Variants in FNBP1L observed in about 807,000 individuals in gnomAD.
FNBP1L encodes formin-binding protein 1-like.
Under a neutral mutation model 91.2 loss-of-function variants are expected in FNBP1L, and 36 were observed. The observed-to-expected ratio is 0.39, with a 90% CI of 0.30 to 0.52. The LOEUF (loss-of-function observed/expected upper bound fraction) is 0.52. FNBP1L is among the 20% of genes least tolerant of loss of function. The pLI, the probability that FNBP1L is intolerant of heterozygous loss-of-function variation, is 0.66. For missense variants in FNBP1L, 571 were observed against 732.1 expected (o/e 0.78, Z 2.54); for synonymous variants, 242 against 237.0 (o/e 1.02, Z -0.19).
At chr1:93,517,021 CTCT>C (rs1448946458) in intron 2 of FNBP1L, among the ~76,000 whole-genome samples, 2 of 151,310 alleles carry the variant, frequency 1.3e-5, no homozygotes, top group African/African-American at 2.4e-5. Context: ...CTTCCTCCTC[CTCT>C]TTTCTTCTTT....
Position 93,541,056 on chromosome 1 carries a change from G to A in FNBP1L, c.1164G>A (p.Met388Ile). ...GAACTATTCAGTGGTCGGTGAAGAT[G>A]GTAAGCCTTATGTGCTGATCTATAT... is the stretch of plus-strand genomic sequence containing the variant. ...RSLKRGWSVK[M>I]GPALEDFSHL... The change falls in exon 11 of 17, where the codon ATG becomes ATA. Residue 388 changes from methionine to isoleucine, a missense_variant and splice_region_variant. By Grantham distance (10) the Met-to-Ile change is conservative. This residue lies in a region of FNBP1L where 150 missense variants were observed against 155.9 expected (regional missense o/e 0.96). Transcript: ENST00000271234. The A allele has an allele frequency of 6.5e-7, 1 of 1,536,264 alleles. No homozygotes were observed. Among genetic ancestry groups the A allele is most frequent in the Non-Finnish European group, 8.7e-7 (1 of 1,146,302 alleles).
chr1:93,534,675 CA>C (rs758377663), intron 8 of FNBP1L, 29 bp from the exon 9 acceptor site: 1 of 1,461,156 alleles, frequency 6.8e-7, no homozygotes, highest in Non-Finnish European at 9.3e-7. Flanking sequence ...GCAAGTGAAA[CA>C]GTTTTAAAAC....
Position 93,544,164 on chromosome 1 carries a change from C to G in FNBP1L, c.1222C>G (p.Gln408Glu). ...ACCAGAACAGAGACGTAAAAAACTA[C>G]AGCAGCGCATTGATGAACTTAACAG... is the stretch of plus-strand genomic sequence containing the variant. ...LPPEQRRKKL[Q>E]QRIDELNREL... Residue 408 changes from glutamine (Q) to glutamate (E), a missense_variant, in exon 12 of 17, where the codon CAG becomes GAG. Around this residue, in one of 5 missense-constraint regions of FNBP1L, gnomAD observed 150 missense variants for 155.9 expected, o/e 0.96. Coordinates refer to ENST00000271234, the MANE Select transcript of FNBP1L (RefSeq NM_001164473.3). The G allele has an allele frequency of 1.2e-6, 2 of 1,612,350 alleles. No homozygotes were observed. Among genetic ancestry groups the G allele is most frequent in the Non-Finnish European group, 1.7e-6 (2 of 1,178,926 alleles).
At chr1:93,472,790 C>G (rs561573218) in intron 1 of FNBP1L, among the ~76,000 whole-genome samples, 6 of 120,322 alleles carry the variant, frequency 5.0e-5, no homozygotes, top group African/African-American at 1.7e-4. Flanking sequence ...CCAGCCTGGG[C>G]GACAGAGCAA....
chr1:93,487,359 T>G lies in FNBP1L; in HGVS notation c.25-12109T>G, dbSNP rs144928200. 1.9e-3 allele frequency among the ~76,000 whole-genome samples: 288 copies of G among 152,302 alleles called. 2 individuals carry two copies. The highest frequency in any genetic ancestry group is 6.7e-3 in the African/African-American group (277 of 41,558). On this transcript the variant is annotated intron_variant, in intron 1 of 16. Transcript: ENST00000271234. ...AAGAAAGCCTGATTTGGATAATCAG[T>G]GTAAGTCAAAGTGTTCAAACTGAGT...
At chr1:93,483,595 A>G (rs1311752832) in intron 1 of FNBP1L, among the ~76,000 whole-genome samples, 3 of 152,228 alleles carry the variant, frequency 2.0e-5, no homozygotes, top group African/African-American at 7.2e-5. Flanking sequence ...ATGGATAAAA[A>G]TGAACCATAA....
At chr1:93,456,095 A>G (rs1424743934) in intron 1 of FNBP1L, among the ~76,000 whole-genome samples, 3 of 152,148 alleles carry the variant, frequency 2.0e-5, no homozygotes, top group Admixed American at 6.5e-5. Context: ...ATGAGACACT[A>G]TCTCCAAGGA....
At chr1:93,500,295 A>G (rs1370387999) in intron 2 of FNBP1L, among the ~76,000 whole-genome samples, 1 of 152,182 alleles carries the variant, frequency 6.6e-6, no homozygotes, top group Non-Finnish European at 1.5e-5. Context: ...GGGTCAAATA[A>G]TCTTCAGGCC....
chr1:93,527,663 A>G (rs914134771), intron 5 of FNBP1L, among the ~76,000 whole-genome samples: 4 of 152,106 alleles, frequency 2.6e-5, no homozygotes, highest in African/African-American at 7.2e-5. Context: ...ATGTCACCCT[A>G]GAGGAAAATA....
intron 1 of FNBP1L, among the ~76,000 whole-genome samples, chr1:93,450,346 T>A (rs901410471): frequency 6.6e-6 from 1 of 152,220 alleles, no homozygotes; most frequent in African/African-American, 2.4e-5. Flanking sequence ...TTGGAAATTC[T>A]GAAAAAGATT....
Position 93,553,447 on chromosome 1 carries a change from A to G in FNBP1L, c.*1031A>G, listed in dbSNP as rs532560538. On this transcript the variant is annotated 3_prime_UTR_variant, in exon 17 of 17. Transcript: ENST00000271234. The stretch of plus-strand genomic sequence containing the variant: ...GGTAGGTGGCTATTAGAGCTCTACC[A>G]TATACAGTGGTGCATCTTCAAATTT... The G allele has an allele frequency of 6.5e-6, 1 of 152,774 alleles. No homozygotes were observed. The highest frequency in any genetic ancestry group is 2.1e-4 in the South Asian group (1 of 4,830). 9.5% of individuals were successfully genotyped at this position (152,774 alleles called of 1,614,324 possible). A position where few individuals can be genotyped will look rare whatever the true frequency, so the allele number is the denominator to read the frequency against.
intron 2 of FNBP1L, among the ~76,000 whole-genome samples, chr1:93,509,434 A>G (rs1020254890): frequency 6.6e-6 from 1 of 152,216 alleles, no homozygotes; most frequent in African/African-American, 2.4e-5. Flanking sequence ...CCAAACTGTT[A>G]GGGGGCTGGA....
At chr1:93,533,166 G>A (rs948193590) in intron 8 of FNBP1L, 98 bp downstream of exon 8, 17 of 1,006,440 alleles carry the variant, frequency 1.7e-5, no homozygotes, top group Non-Finnish European at 2.3e-5. Context: ...GTAATCTGAT[G>A]TGTGGTTCTA....
chr1:93,479,899 C>T (rs1669634791), intron 1 of FNBP1L, among the ~76,000 whole-genome samples: 1 of 152,084 alleles, frequency 6.6e-6, no homozygotes, highest in South Asian at 2.1e-4. Flanking sequence ...ACATCCTCAG[C>T]TTACGAAGAT....
At chr1:93,505,131 G>C (rs940743538) in intron 2 of FNBP1L, among the ~76,000 whole-genome samples, 5 of 113,978 alleles carry the variant, frequency 4.4e-5, no homozygotes, top group African/African-American at 2.0e-4. Flanking sequence ...TTTTTTTTGA[G>C]ACAGAGTCTC....
At chr1:93,549,194 G>T in intron 14 of FNBP1L, 84 bp from the exon 15 acceptor site, 2 of 1,076,840 alleles carry the variant, frequency 1.9e-6, no homozygotes, top group Non-Finnish European at 2.5e-6. Context: ...TTTTGGAATT[G>T]ATCCTGAGGT....
At chr1:93,468,265 C>CT (rs1669157372) in intron 1 of FNBP1L, among the ~76,000 whole-genome samples, 1 of 152,172 alleles carries the variant, frequency 6.6e-6, no homozygotes. Context: ...CTCATGCATA[C>CT]TGTAACATGC....
intron 2 of FNBP1L, among the ~76,000 whole-genome samples, chr1:93,509,162 T>C (rs1377701878): frequency 6.6e-6 from 1 of 152,218 alleles, no homozygotes; most frequent in African/African-American, 2.4e-5. Flanking sequence ...TATACTAGAA[T>C]GATAAATTCC....
intron 10 of FNBP1L, among the ~76,000 whole-genome samples, chr1:93,536,730 T>G (rs903569922): frequency 4.6e-5 from 7 of 152,090 alleles, no homozygotes. Context: ...TTTAGCTATT[T>G]TTTTGTTTAT....
Sources: allele counts gnomAD v4.1 joint callset (sites outside exome capture counted in the v4.1 genomes callset), GRCh38; gene constraint gnomAD v4.1.1; regional missense constraint gnomAD v4.1.1; transcripts MANE v1.5; gene names NCBI Gene and HGNC (gene_info 2026-07-23, HGNC 2026-07-21).